Variants in SMS observed in about 807,000 individuals in gnomAD.
SMS encodes spermine synthase.
Under a neutral mutation model 33.0 loss-of-function variants are expected in SMS, and 3 were observed. That is an observed-to-expected ratio of 0.09 (90% CI 0.04 to 0.23). The LOEUF (loss-of-function observed/expected upper bound fraction) is 0.23, where lower values mean the gene tolerates loss of function less well. Among genes scored for constraint, SMS ranks in the 10% least tolerant of loss-of-function variants. The probability of loss-of-function intolerance (pLI) is 1.00; values close to 1 mark genes in which losing one functional copy is unlikely to be tolerated. For missense variants in SMS, 117 were observed against 288.6 expected (o/e 0.41, Z 4.31); for synonymous variants, 103 against 112.2 (o/e 0.92, Z 0.52).
intron 1 of SMS, among the ~76,000 whole-genome samples, chrX:21,947,043 T>C (rs746063442): frequency 8.9e-6 from 1 of 111,769 alleles, no homozygotes; most frequent in East Asian, 2.8e-4. Context: ...TTTAACCAGC[T>C]CCCACGCTCC....
chrX:21,941,036 C>G (rs1402971023), intron 1 of SMS, 163 bp downstream of exon 1: 2 of 131,758 alleles, frequency 1.5e-5, no homozygotes, highest in Non-Finnish European at 2.7e-5. Flanking sequence ...GCTGCGGGGC[C>G]GCGTGCACCG....
intron 7 of SMS, among the ~76,000 whole-genome samples, chrX:21,981,319 C>CAA (rs11373560): frequency 1.8e-4 from 17 of 96,694 alleles, no homozygotes; most frequent in South Asian, 4.7e-4. Context: ...GACTCCGTCT[C>CAA]AAAAAAAAAA....
intron 2 of SMS, among the ~76,000 whole-genome samples, chrX:21,968,867 A>G (rs1174115250): frequency 8.9e-6 from 1 of 111,835 alleles, no homozygotes; most frequent in Non-Finnish European, 1.9e-5. Flanking sequence ...AATCAGCACT[A>G]AAGAATTTAC....
intron 1 of SMS, among the ~76,000 whole-genome samples, chrX:21,955,999 A>C (rs185635966): frequency 8.9e-6 from 1 of 112,230 alleles, no homozygotes; most frequent in East Asian, 2.8e-4. Context: ...CCCCAGTCCC[A>C]GTGTCTGTGG....
chrX:21,963,651 A>G (rs1169665706), intron 1 of SMS, among the ~76,000 whole-genome samples: 1 of 111,591 alleles, frequency 9.0e-6, no homozygotes, highest in Non-Finnish European at 1.9e-5. Context: ...TGCATAGATC[A>G]GACAAAGACA....
chrX:21,985,268 T>A (rs771014851), intron 9 of SMS, 45 bp downstream of exon 9: 5 of 806,298 alleles, frequency 6.2e-6, no homozygotes, highest in Non-Finnish European at 9.5e-6. Context: ...TCTAAGACTT[T>A]CCTGTTTTGA....
At chrX:21,978,486 A>G (rs1412268149) in intron 6 of SMS, among the ~76,000 whole-genome samples, 1 of 111,453 alleles carries the variant, frequency 9.0e-6, no homozygotes, top group African/African-American at 3.3e-5. Context: ...GAGACAGGAG[A>G]ATTGCTTGAA....
chrX:21,970,704 G>T (rs1924076432), intron 2 of SMS, among the ~76,000 whole-genome samples: 1 of 107,998 alleles, frequency 9.3e-6, no homozygotes, highest in Non-Finnish European at 1.9e-5. Flanking sequence ...AAGTAGCTGG[G>T]ACTACAGGCG....
intron 2 of SMS, among the ~76,000 whole-genome samples, chrX:21,969,258 G>A (rs898349665): frequency 4.5e-5 from 5 of 112,035 alleles, no homozygotes; most frequent in Non-Finnish European, 7.5e-5. Context: ...GCCCAGGCTT[G>A]TATTTCTAAC....
In SMS at chrX:21,980,332, G is replaced by T. The variant is rs181292505; in HGVS notation, c.750+1366G>T. On this transcript the variant is annotated intron_variant, in intron 7 of 10. Transcript: ENST00000404933. ...CATGGAAGGCTGAGGCAGGAGAATC[G>T]CTTGAACCCGGAAGGTGGAGGTTGC... Among the ~76,000 whole-genome samples the T allele has an allele frequency of 6.8e-3, 698 of 103,350 alleles. 10 individuals carry two copies. The highest frequency in any genetic ancestry group is 0.023 in the African/African-American group (661 of 28,437). The allele number at this position is 103,350 out of a possible 115,157, so 89.7% of individuals were successfully genotyped here.
intron 9 of SMS, among the ~76,000 whole-genome samples, chrX:21,987,553 A>G (rs1925434458): frequency 8.9e-6 from 1 of 112,425 alleles, no homozygotes; most frequent in Non-Finnish European, 1.9e-5. Flanking sequence ...AAACTCCTAG[A>G]TTCGAGTAAT....
chrX:21,980,429 A>AAAAAAATATATATATAT (rs1260210326), intron 7 of SMS, among the ~76,000 whole-genome samples: 3 of 63,033 alleles, frequency 4.8e-5, no homozygotes, highest in Non-Finnish European at 6.1e-5. Context: ...AAAAAAAAAA[A>AAAAAAATATATATATAT]ATATATATAT....
At chrX:21,988,774 C>G (rs774245500) in intron 9 of SMS, among the ~76,000 whole-genome samples, 1 of 109,687 alleles carries the variant, frequency 9.1e-6, no homozygotes, top group Non-Finnish European at 1.9e-5. Context: ...GCTGTGAGTT[C>G]GTGATGTCAT....
chrX:21,963,481 A>G (rs908535016), intron 1 of SMS, among the ~76,000 whole-genome samples: 7 of 112,426 alleles, frequency 6.2e-5, no homozygotes, highest in Non-Finnish European at 9.4e-5. Flanking sequence ...TAGTGTGGGA[A>G]CAAGTAATAC....
At chrX:21,951,191 ACC>A (rs1361603417) in intron 1 of SMS, among the ~76,000 whole-genome samples, 17 of 112,581 alleles carry the variant, frequency 1.5e-4, no homozygotes, top group Non-Finnish European at 1.5e-4. Flanking sequence ...TTCTCTAATG[ACC>A]AGTGATGATG....
intron 2 of SMS, 52 bp downstream of exon 2, chrX:21,967,368 G>A (rs1221788655): frequency 8.5e-7 from 1 of 1,177,835 alleles, no homozygotes; most frequent in African/African-American, 1.8e-5. Flanking sequence ...TGAGCAGAGA[G>A]GGTGACAGAG....
At chrX:21,946,756 C>A (rs766160886) in intron 1 of SMS, among the ~76,000 whole-genome samples, 1 of 111,771 alleles carries the variant, frequency 8.9e-6, no homozygotes, top group Admixed American at 9.5e-5. Context: ...CATTGACAGC[C>A]CAAAATGTCC....
intron 1 of SMS, among the ~76,000 whole-genome samples, chrX:21,946,354 A>C (rs1043417340): frequency 8.9e-6 from 1 of 112,563 alleles, no homozygotes. Flanking sequence ...GGCTCTTTGA[A>C]CTATTTGAAA....
chrX:21,971,773 C>T (rs1467908832), intron 2 of SMS, 124 bp from the exon 3 acceptor site: 1 of 527,724 alleles, frequency 1.9e-6, no homozygotes. Context: ...AAAAGCTTAA[C>T]TGTATACTTT....
Sources: allele counts gnomAD v4.1 joint callset (sites outside exome capture counted in the v4.1 genomes callset), GRCh38; gene constraint gnomAD v4.1.1; transcripts MANE v1.5; gene names NCBI Gene and HGNC (gene_info 2026-07-23, HGNC 2026-07-21).